Variants in FBXO31 observed in about 807,000 individuals in gnomAD.
The protein encoded by FBXO31 is F-box only protein 31.
In FBXO31, 24 loss-of-function variants were observed where a neutral mutation model predicts 54.4. The ratio of observed to expected loss-of-function variants is 0.44; its 90% CI spans 0.32 to 0.62. The LOEUF is 0.62. Ranked by LOEUF, FBXO31 falls within the 20% of genes least tolerant of loss-of-function variation. The probability of loss-of-function intolerance (pLI) is 0.05; values close to 1 mark genes in which losing one functional copy is unlikely to be tolerated. For missense variants in FBXO31, 665 were observed against 787.1 expected (o/e 0.84, Z 1.86); for synonymous variants, 388 against 335.6 (o/e 1.16, Z -1.71).
At chr16:87,368,645 T>C (rs1906468353) in intron 1 of FBXO31, among the ~76,000 whole-genome samples, 1 of 151,232 alleles carries the variant, frequency 6.6e-6, no homozygotes, top group South Asian at 2.1e-4. Flanking sequence ...TTTTTTTGCC[T>C]TTATAAGAGG....
upstream of FBXO31, among the ~76,000 whole-genome samples, chr16:87,388,206 C>T (rs1907393128): frequency 6.6e-6 from 1 of 152,226 alleles, no homozygotes; most frequent in South Asian, 2.1e-4. Context: ...TTTGCAGATT[C>T]TTGAAGCTGA....
Position 87,335,292 on chromosome 16 carries a change from G to C in FBXO31, c.996+12C>G, listed in dbSNP as rs201635883. The C allele has an allele frequency of 1.4e-5, 23 of 1,612,548 alleles. No homozygotes were observed. The highest frequency in any genetic ancestry group is 6.6e-5 in the South Asian group (6 of 91,076). On this transcript the variant is annotated intron_variant, in intron 7 of 8. Transcript: ENST00000311635. This position sits in a 1 kb window ranked among gnomAD's most constrained non-coding sequence, Gnocchi z 5.7. ...CCCCAGAGCCCCACCAACCAGGTCA[G>C]CCGCCACTCACCGTGATCTTGGTGC...
chr16:87,340,926 T>G (rs1424337552), intron 5 of FBXO31, among the ~76,000 whole-genome samples: 1 of 152,180 alleles, frequency 6.6e-6, no homozygotes, highest in Non-Finnish European at 1.5e-5. Flanking sequence ...TCCTAATAGT[T>G]AACAAGCTCC....
chr16:87,332,905 A>G (rs1249700995), intron 8 of FBXO31, among the ~76,000 whole-genome samples: 1 of 152,184 alleles, frequency 6.6e-6, no homozygotes, highest in Non-Finnish European at 1.5e-5. Flanking sequence ...TGACAGGCGG[A>G]CCCTCAAAAC....
intron 2 of FBXO31, among the ~76,000 whole-genome samples, chr16:87,349,412 T>A (rs1472240755): frequency 2.0e-5 from 3 of 152,194 alleles, no homozygotes; most frequent in African/African-American, 7.2e-5. Flanking sequence ...GTCATGGGCC[T>A]GCAGATTAAA....
intron 1 of FBXO31, among the ~76,000 whole-genome samples, chr16:87,361,072 A>G (rs569692862): frequency 6.6e-6 from 1 of 152,342 alleles, no homozygotes; most frequent in Non-Finnish European, 1.5e-5. Context: ...GGTCTCCGCT[A>G]GCCTTTGAAA....
intron 1 of FBXO31, among the ~76,000 whole-genome samples, chr16:87,372,533 AC>A (rs1356123173): frequency 1.3e-5 from 2 of 152,220 alleles, no homozygotes; most frequent in African/African-American, 4.8e-5. Flanking sequence ...GGGCTCAACA[AC>A]TGTCTGCTAA....
In FBXO31 at chr16:87,383,759, G is replaced by A. The variant is rs1054993326; in HGVS notation, c.-15C>T. 1.6e-5 allele frequency: 19 copies of A among 1,195,836 alleles called. No individual in the cohort carries two copies. Among genetic ancestry groups the A allele is most frequent in the Admixed American group, 9.1e-5 (2 of 22,062 alleles). 74.1% of individuals were successfully genotyped at this position (1,195,836 alleles called of 1,614,324 possible). ...CACACCGCCATGCCGCCCAGTGACG[G>A]CCACTGCTGCCGCCTGTGCGCACGC... On this transcript the variant is annotated 5_prime_UTR_variant, in exon 1 of 9. Transcript: ENST00000311635. The surrounding 1 kb of genome is among the most constrained non-coding windows in gnomAD (Gnocchi z 4.9).
intron 2 of FBXO31, among the ~76,000 whole-genome samples, chr16:87,349,466 C>T (rs943443699): frequency 5.9e-5 from 9 of 152,176 alleles, no homozygotes; most frequent in African/African-American, 2.2e-4. Flanking sequence ...CCTGTAATCC[C>T]AGTACTTTGA....
At chr16:87,359,615 T>C (rs940350462) in intron 2 of FBXO31, among the ~76,000 whole-genome samples, 8 of 152,180 alleles carry the variant, frequency 5.3e-5, no homozygotes, top group African/African-American at 2.4e-5. Flanking sequence ...GCTCAAAGAA[T>C]GGTCAGAAGA....
intron 2 of FBXO31, among the ~76,000 whole-genome samples, chr16:87,352,899 T>C (rs1905727039): frequency 6.6e-6 from 1 of 152,354 alleles, no homozygotes; most frequent in African/African-American, 2.4e-5. Flanking sequence ...ATCTGGGTTC[T>C]GGTGCACACC....
At position 87,338,282 on chromosome 16, in the gene FBXO31, A is replaced by G. The variant is rs1197701717; in HGVS notation, c.733-2018T>C. Among the ~76,000 whole-genome samples the G allele has an allele frequency of 6.6e-6, 1 of 151,972 alleles. No homozygotes were observed. The highest frequency in any genetic ancestry group is 1.5e-5 in the Non-Finnish European group (1 of 68,006). On this transcript the variant is annotated intron_variant, in intron 5 of 8. Coordinates refer to ENST00000311635, the MANE Select transcript of FBXO31 (RefSeq NM_024735.5). The surrounding 1 kb of genome is among the most constrained non-coding windows in gnomAD (Gnocchi z 4.3). ...CCCAGGACATGCACGACAACGATCA[A>G]CTTCACGTTGACCCAGGGCCTGCTC...
At chr16:87,344,924 TGG>T (rs1491461145) in intron 3 of FBXO31, among the ~76,000 whole-genome samples, 1 of 103,534 alleles carries the variant, frequency 9.7e-6, no homozygotes. Context: ...AAACCCCACC[TGG>T]GGGCAGAGCC....
intron 1 of FBXO31, among the ~76,000 whole-genome samples, chr16:87,381,779 C>G (rs797000345): frequency 3.9e-5 from 6 of 152,326 alleles, no homozygotes; most frequent in African/African-American, 1.4e-4. Flanking sequence ...AATCCCAACA[C>G]TTTGGGAGGC....
At chr16:87,359,824 A>G (rs909956178) in intron 2 of FBXO31, among the ~76,000 whole-genome samples, 2 of 152,204 alleles carry the variant, frequency 1.3e-5, no homozygotes, top group Non-Finnish European at 2.9e-5. Context: ...CCAGAGAAAC[A>G]TGAAACGGGG....
chr16:87,343,538 C>G (rs1905258318), intron 4 of FBXO31, 60 bp downstream of exon 4: 1 of 1,538,192 alleles, frequency 6.5e-7, no homozygotes, highest in East Asian at 2.4e-5. Context: ...GCAGGCCTGG[C>G]TGGAGCCCAC....
At chr16:87,352,079 C>T (rs1056527876) in intron 2 of FBXO31, among the ~76,000 whole-genome samples, 7 of 152,172 alleles carry the variant, frequency 4.6e-5, no homozygotes, top group Non-Finnish European at 5.9e-5. Flanking sequence ...TCCCAGGTGA[C>T]TGTGATGTGT....
chr16:87,340,221 A>G (rs1222741198), intron 5 of FBXO31, among the ~76,000 whole-genome samples: 4 of 152,240 alleles, frequency 2.6e-5, no homozygotes, highest in Non-Finnish European at 1.5e-5. Flanking sequence ...CAGGAGGCGG[A>G]GGTTGCAGTG....
At chr16:87,385,735 C>CACCA (rs1412892582), upstream of FBXO31, among the ~76,000 whole-genome samples, 5 of 151,580 alleles carry the variant, frequency 3.3e-5, no homozygotes, top group African/African-American at 1.2e-4. Flanking sequence ...GCGGCCAGGC[C>CACCA]TGGTGGCTCA....
Sources: allele counts gnomAD v4.1 joint callset (sites outside exome capture counted in the v4.1 genomes callset), GRCh38; gene constraint gnomAD v4.1.1; non-coding constraint Gnocchi (gnomAD v3.1); transcripts MANE v1.5; gene names NCBI Gene and HGNC (gene_info 2026-07-23, HGNC 2026-07-21).